GPC5: variants seen among roughly 807,000 people sequenced by gnomAD.
GPC5 encodes glypican-5.
Under a neutral mutation model 53.9 loss-of-function variants are expected in GPC5, and 47 were observed. That is an observed-to-expected ratio of 0.87 (90% confidence interval 0.69 to 1.11). The LOEUF (loss-of-function observed/expected upper bound fraction) is 1.11, where lower values mean the gene tolerates loss of function less well. Ranked by LOEUF, GPC5 falls within the 50% of genes most tolerant of loss-of-function variation. GPC5 has a pLI of 0.00. For synonymous variants in GPC5, 286 were observed against 263.3 expected, an observed-to-expected ratio of 1.09 and a Z score of -0.84; for missense variants, 748 against 713.1, an observed-to-expected ratio of 1.05 and a Z score of -0.56.
At chr13:92,214,872 T>G (rs368594638) in intron 7 of GPC5, among the ~76,000 whole-genome samples, 8 of 152,184 alleles carry the variant, frequency 5.3e-5, no homozygotes, top group Admixed American at 1.3e-4. Context: ...TGAGAAAGTC[T>G]GAATTGGCTG....
intron 7 of GPC5, among the ~76,000 whole-genome samples, chr13:92,745,838 G>C (rs1271278627): frequency 6.6e-6 from 1 of 151,950 alleles, no homozygotes; most frequent in Non-Finnish European, 1.5e-5. Context: ...TAAATGTCAA[G>C]TTAAACATAA....
chr13:92,053,413 A>G (rs1292340775), intron 6 of GPC5, among the ~76,000 whole-genome samples: 1 of 152,204 alleles, frequency 6.6e-6, no homozygotes, highest in Non-Finnish European at 1.5e-5. Context: ...GTTTGGGCCC[A>G]TGAAGGTACT....
At chr13:91,433,075 G>C (rs963045562) in intron 1 of GPC5, among the ~76,000 whole-genome samples, 1 of 152,020 alleles carries the variant, frequency 6.6e-6, no homozygotes, top group African/African-American at 2.4e-5. Flanking sequence ...TCTTGGAAGA[G>C]AAGTAATAAC....
chr13:92,660,429 A>G (rs1211481414), intron 7 of GPC5, among the ~76,000 whole-genome samples: 1 of 152,040 alleles, frequency 6.6e-6, no homozygotes, highest in Non-Finnish European at 1.5e-5. Flanking sequence ...ATATATGTGT[A>G]TATATAAACA....
intron 2 of GPC5, among the ~76,000 whole-genome samples, chr13:91,538,776 G>C (rs1166376633): frequency 6.6e-6 from 1 of 151,470 alleles, no homozygotes; most frequent in Non-Finnish European, 1.5e-5. Flanking sequence ...TAGAGACCGG[G>C]TTTCACCATG....
intron 2 of GPC5, among the ~76,000 whole-genome samples, chr13:91,586,717 G>T (rs1160229891): frequency 6.7e-6 from 1 of 149,018 alleles, no homozygotes; most frequent in Admixed American, 6.7e-5. Context: ...GATATGTGGG[G>T]ATTATAATTC....
At chr13:92,238,901 T>G (rs1227076860) in intron 7 of GPC5, among the ~76,000 whole-genome samples, 1 of 152,000 alleles carries the variant, frequency 6.6e-6, no homozygotes, top group Non-Finnish European at 1.5e-5. Flanking sequence ...ATTTAGGTCT[T>G]TGAACTATTT....
At chr13:91,557,712 G>A (rs529012242) in intron 2 of GPC5, among the ~76,000 whole-genome samples, 22 of 152,238 alleles carry the variant, frequency 1.4e-4, no homozygotes, top group African/African-American at 5.1e-4. Context: ...CTCCAAAACT[G>A]CTTGAACAAG....
chr13:91,529,437 G>T (rs1181307818), intron 2 of GPC5, among the ~76,000 whole-genome samples: 1 of 152,102 alleles, frequency 6.6e-6, no homozygotes, highest in African/African-American at 2.4e-5. Flanking sequence ...TTCAGTTTCA[G>T]CTGTCTTAGT....
At chr13:91,597,122 C>G (rs944987610) in intron 2 of GPC5, among the ~76,000 whole-genome samples, 1 of 152,092 alleles carries the variant, frequency 6.6e-6, no homozygotes, top group Non-Finnish European at 1.5e-5. Flanking sequence ...TGTTTTTTCT[C>G]CAGCTTCAAG....
At chr13:92,256,774 T>G (rs1440305922) in intron 7 of GPC5, among the ~76,000 whole-genome samples, 1 of 152,044 alleles carries the variant, frequency 6.6e-6, no homozygotes, top group African/African-American at 2.4e-5. Flanking sequence ...AAAAACACAT[T>G]CCCATGTGTT....
intron 2 of GPC5, among the ~76,000 whole-genome samples, chr13:91,597,100 T>C (rs1300566670): frequency 6.6e-6 from 1 of 152,202 alleles, no homozygotes; most frequent in East Asian, 1.9e-4. Context: ...TGGGTAATTG[T>C]AAGACTCCAA....
chr13:91,887,017 C>T (rs987448372), intron 5 of GPC5, among the ~76,000 whole-genome samples: 1 of 152,140 alleles, frequency 6.6e-6, no homozygotes, highest in Admixed American at 6.5e-5. Flanking sequence ...GGACAGAGCC[C>T]ACATTTCCCT....
At chr13:91,428,385 T>C (rs1021616244) in intron 1 of GPC5, among the ~76,000 whole-genome samples, 4 of 152,128 alleles carry the variant, frequency 2.6e-5, no homozygotes, top group African/African-American at 4.8e-5. Context: ...TGCATGCTGA[T>C]TGGCTTATGG....
chr13:91,495,654 G>A (rs1258000192), intron 2 of GPC5, among the ~76,000 whole-genome samples: 2 of 152,186 alleles, frequency 1.3e-5, no homozygotes, highest in South Asian at 2.1e-4. Flanking sequence ...GCATCTTTTT[G>A]TAATGTCTTC....
At chr13:91,611,731 C>G (rs1291075662) in intron 2 of GPC5, among the ~76,000 whole-genome samples, 1 of 152,140 alleles carries the variant, frequency 6.6e-6, no homozygotes, top group Non-Finnish European at 1.5e-5. Flanking sequence ...CACCAGAAAC[C>G]CTACAGTCCC....
intron 7 of GPC5, among the ~76,000 whole-genome samples, chr13:92,632,437 A>C (rs1236084657): frequency 1.4e-5 from 2 of 145,988 alleles, no homozygotes; most frequent in African/African-American, 5.0e-5. Flanking sequence ...TAGCTTTTCT[A>C]TTCTTTTGGA....
intron 7 of GPC5, among the ~76,000 whole-genome samples, chr13:92,366,966 G>A (rs755117822): frequency 1.3e-5 from 2 of 152,092 alleles, no homozygotes; most frequent in Non-Finnish European, 2.9e-5. Flanking sequence ...CAGCATTATT[G>A]TTACCTAGGT....
At chr13:92,593,272 A>G (rs1594330551) in intron 7 of GPC5, among the ~76,000 whole-genome samples, 2 of 151,320 alleles carry the variant, frequency 1.3e-5, no homozygotes, top group Admixed American at 6.6e-5. Flanking sequence ...GGCTGGTTCC[A>G]TGGTGGAAAC....
Sources: allele counts gnomAD v4.1 joint callset (sites outside exome capture counted in the v4.1 genomes callset), GRCh38; gene constraint gnomAD v4.1.1; transcripts MANE v1.5; gene names NCBI Gene and HGNC (gene_info 2026-07-23, HGNC 2026-07-21).